KCTD17: variants seen among roughly 807,000 people sequenced by gnomAD.
KCTD17 encodes the protein potassium channel tetramerization domain containing 17, also known as BTB/POZ domain-containing protein KCTD17.
In KCTD17, 20 loss-of-function variants were observed where a neutral mutation model predicts 41.5. That is an observed-to-expected ratio of 0.48 (90% CI 0.34 to 0.70). KCTD17 has a LOEUF of 0.70. Ranked by LOEUF, KCTD17 falls within the 30% of genes least tolerant of loss-of-function variation. The pLI is 0.01. For synonymous variants in KCTD17, 156 were observed against 173.8 expected (o/e 0.90, Z 0.80); for missense variants, 317 against 427.2 (o/e 0.74, Z 2.27).
intron 4 of KCTD17, 30 bp downstream of exon 4, chr22:37,057,523 G>A (rs759017155): frequency 1.3e-6 from 2 of 1,577,500 alleles, no homozygotes; most frequent in Non-Finnish European, 8.6e-7. Context: ...GTGCCACCAG[G>A]ACAACCCTGG....
rs1925716631 is a variant in KCTD17 at position 37,061,028 on chromosome 22, G to T, written c.713-76G>T. On this transcript the variant is annotated intron_variant, in intron 6 of 8. Coordinates refer to ENST00000403888, the MANE Select transcript of KCTD17 (RefSeq NM_001282684.2). The surrounding 1 kb of genome is among the most constrained non-coding windows in gnomAD (Gnocchi z 6.6). ...CCGGGGGCCCCGGGGCTGCTGGGGGGGCACCAGGGTTAGCTCAGCCACTTG... is the reference window on the plus strand; with the variant it reads ...CCGGGGGCCCCGGGGCTGCTGGGGGTGCACCAGGGTTAGCTCAGCCACTTG... 6.5e-7 allele frequency: 1 copy of T among 1,549,280 alleles called. No homozygotes were observed. The highest frequency in any genetic ancestry group is 8.7e-7 in the Non-Finnish European group (1 of 1,145,320).
intron 4 of KCTD17, among the ~76,000 whole-genome samples, chr22:37,058,426 T>C (rs1925387978): frequency 6.6e-6 from 1 of 152,228 alleles, no homozygotes; most frequent in African/African-American, 2.4e-5. Flanking sequence ...GTAGGACTCT[T>C]GTGAGATTAG....
At chr22:37,054,505 G>A (rs375397105) in intron 2 of KCTD17, among the ~76,000 whole-genome samples, 7 of 150,766 alleles carry the variant, frequency 4.6e-5, no homozygotes, top group African/African-American at 1.5e-4. Flanking sequence ...AGGGGATCAC[G>A]CAGGGCTATC....
intron 5 of KCTD17, among the ~76,000 whole-genome samples, chr22:37,060,070 T>A (rs2145990393): frequency 6.6e-6 from 1 of 152,296 alleles, no homozygotes; most frequent in Non-Finnish European, 1.5e-5. Flanking sequence ...CCTGGCAGCA[T>A]CCACTGTACC....
chr22:37,060,855 G>T lies in KCTD17; in HGVS notation c.645G>T (p.Gln215His), dbSNP rs1925694068. Reference sequence around the variant, plus strand: ...AGGAGCAGCTGGAGGAGCAGCAGCAGCAGGAGGAGGAGGTGGAGGAGGTGG... The same window carrying T: ...AGGAGCAGCTGGAGGAGCAGCAGCATCAGGAGGAGGAGGTGGAGGAGGTGG... ...STEEQLEEQQQQEEEVEEVEV... is the reference protein window; with the variant it reads ...STEEQLEEQQHQEEEVEEVEV... Residue 215 changes from glutamine (Q) to histidine (H), a missense_variant, in exon 6 of 9, where the codon CAG becomes CAT. Gln to His is a conservative substitution (Grantham distance 24, BLOSUM62 0). Transcript: ENST00000403888. The T allele has an allele frequency of 1.3e-6, 2 of 1,528,620 alleles. No homozygotes were observed. The highest frequency in any genetic ancestry group is 1.8e-6 in the Non-Finnish European group (2 of 1,136,470). The allele number at this position is 1,528,620 out of a possible 1,614,324, so 94.7% of individuals were successfully genotyped here.
rs1210376119 is a variant in KCTD17 at position 37,062,728 on chromosome 22, G to A, written c.*134G>A. The A allele has an allele frequency of 1.3e-6, 2 of 1,486,606 alleles. No individual in the cohort carries two copies. Among genetic ancestry groups the A allele is most frequent in the East Asian group, 2.5e-5 (1 of 40,472 alleles). The allele number at this position is 1,486,606 out of a possible 1,614,324, so 92.1% of individuals were successfully genotyped here. On this transcript the variant is annotated 3_prime_UTR_variant, in exon 9 of 9. Coordinates refer to ENST00000403888, the MANE Select transcript of KCTD17 (RefSeq NM_001282684.2). ...TCCAGGGGCGGGGCGGGGCCCCCCTGGGACCTCTTAAGGCCCAAGGTGGGC... is the reference window on the plus strand; with the variant it reads ...TCCAGGGGCGGGGCGGGGCCCCCCTAGGACCTCTTAAGGCCCAAGGTGGGC...
rs112587587 is a variant in KCTD17 at position 37,051,752 on chromosome 22, C to T, written c.-9C>T. 1 of 1,219,590 alleles carries T rather than the reference C, an allele frequency of 8.2e-7. No individual in the cohort carries two copies. The allele number at this position is 1,219,590 out of a possible 1,614,324, so 75.5% of individuals were successfully genotyped here. On this transcript the variant is annotated 5_prime_UTR_variant, in exon 1 of 9. Coordinates refer to ENST00000403888, the MANE Select transcript of KCTD17 (RefSeq NM_001282684.2). ...GCCCGGGAGGAGGATGCAGACGCCG[C>T]GGCCGGCGATGAGGATGGAGGCCGG... is the stretch of plus-strand genomic sequence containing the variant.
At chr22:37,059,533 A>C (rs1601496023) in intron 5 of KCTD17, 95 bp downstream of exon 5, 5 of 1,386,810 alleles carry the variant, frequency 3.6e-6, no homozygotes, top group East Asian at 2.4e-5. Flanking sequence ...CCATCCCTCC[A>C]CCTCTCTCCC....
chr22:37,062,309 T>C (rs1392444436), intron 8 of KCTD17: 4 of 984,700 alleles, frequency 4.1e-6, no homozygotes, highest in Admixed American at 6.2e-5. Context: ...GGGGAGCCCT[T>C]GCTGCTCCCC....
chr22:37,061,040 A>G lies in KCTD17; in HGVS notation c.713-64A>G. The G allele has an allele frequency of 6.4e-7, 1 of 1,551,002 alleles. No homozygotes were observed. The highest frequency in any genetic ancestry group is 8.7e-7 in the Non-Finnish European group (1 of 1,146,604). Reference sequence around the variant, plus strand: ...GGGCTGCTGGGGGGGCACCAGGGTTAGCTCAGCCACTTGCCTGGCGCCTCA... The same window carrying G: ...GGGCTGCTGGGGGGGCACCAGGGTTGGCTCAGCCACTTGCCTGGCGCCTCA... On this transcript the variant is annotated intron_variant, in intron 6 of 8. Coordinates refer to ENST00000403888, the MANE Select transcript of KCTD17 (RefSeq NM_001282684.2). The surrounding 1 kb of genome is among the most constrained non-coding windows in gnomAD (Gnocchi z 6.6).
chr22:37,054,838 G>A (rs1439488654), intron 2 of KCTD17, among the ~76,000 whole-genome samples: 3 of 152,186 alleles, frequency 2.0e-5, no homozygotes, highest in African/African-American at 4.8e-5. Flanking sequence ...CCTGCTCTGT[G>A]TTTGGTCCTG....
Position 37,051,756 on chromosome 22 carries a change from C to G in KCTD17, c.-5C>G. 4 of 1,221,510 alleles carry G rather than the reference C, an allele frequency of 3.3e-6. No homozygotes were observed. The highest frequency in any genetic ancestry group is 7.9e-5 in the South Asian group (2 of 25,438). The allele number at this position is 1,221,510 out of a possible 1,614,324, so 75.7% of individuals were successfully genotyped here. A position where few individuals can be genotyped will look rare whatever the true frequency, so the allele number is the denominator to read the frequency against. On this transcript the variant is annotated 5_prime_UTR_variant, in exon 1 of 9. Coordinates refer to ENST00000403888, the MANE Select transcript of KCTD17 (RefSeq NM_001282684.2). ...GGGAGGAGGATGCAGACGCCGCGGCCGGCGATGAGGATGGAGGCCGGGGAG... is the reference window on the plus strand; with the variant it reads ...GGGAGGAGGATGCAGACGCCGCGGCGGGCGATGAGGATGGAGGCCGGGGAG...
intron 1 of KCTD17, chr22:37,052,523 G>A (rs1366240073): frequency 8.6e-6 from 4 of 467,818 alleles, no homozygotes; most frequent in Non-Finnish European, 1.8e-5. Flanking sequence ...TCTGTAACAC[G>A]AAGGGCTGGT....
At chr22:37,052,515 TGTAACACGAA>T in intron 1 of KCTD17, 3 of 467,064 alleles carry the variant, frequency 6.4e-6, no homozygotes, top group South Asian at 4.6e-5. Flanking sequence ...CTTCCTCATC[TGTAACACGAA>T]GGGCTGGTCT....
intron 3 of KCTD17, 75 bp downstream of exon 3, chr22:37,056,486 A>T: frequency 7.9e-7 from 1 of 1,270,036 alleles, no homozygotes; most frequent in South Asian, 1.3e-5. Flanking sequence ...CGGGGCGGGA[A>T]GCAGAGGAGG....
rs186753872 is a variant in KCTD17, at chr22:37,059,072, G to A, written c.487-241G>A. Among the ~76,000 whole-genome samples, 992 of 152,272 alleles carry A rather than the reference G, an allele frequency of 6.5e-3. 17 individuals are homozygous for A. Among genetic ancestry groups the A allele is most frequent in the African/African-American group, 0.023 (944 of 41,538 alleles). ...ATGCTGCCACCCTCCACCAGGGATC[G>A]GGCCAGCCAAGCCAGGCGGAGGGGC... On this transcript the variant is annotated intron_variant, in intron 4 of 8. Coordinates refer to ENST00000403888, the MANE Select transcript of KCTD17 (RefSeq NM_001282684.2).
Position 37,061,037 on chromosome 22 carries a change from G to A in KCTD17, c.713-67G>A. 2 of 1,550,978 alleles carry A rather than the reference G, an allele frequency of 1.3e-6. No homozygotes were observed. The highest frequency in any genetic ancestry group is 2.0e-5 in the Admixed American group (1 of 50,964). ...CCGGGGCTGCTGGGGGGGCACCAGG[G>A]TTAGCTCAGCCACTTGCCTGGCGCC... is the stretch of plus-strand genomic sequence containing the variant. On this transcript the variant is annotated intron_variant, in intron 6 of 8. Coordinates refer to ENST00000403888, the MANE Select transcript of KCTD17 (RefSeq NM_001282684.2). This position sits in a 1 kb window ranked among gnomAD's most constrained non-coding sequence, Gnocchi z 6.6.
At position 37,062,903 on chromosome 22, in the gene KCTD17, C is replaced by T; in HGVS notation, c.*309C>T. The T allele has an allele frequency of 2.3e-6, 1 of 434,684 alleles. No homozygotes were observed. Among genetic ancestry groups the T allele is most frequent in the South Asian group, 3.1e-5 (1 of 32,364 alleles). The allele number at this position is 434,684 out of a possible 1,614,324, so 26.9% of individuals were successfully genotyped here. On this transcript the variant is annotated 3_prime_UTR_variant, in exon 9 of 9. Transcript: ENST00000403888. ...GGCCCGGTCACATTGCCTCCTTGAG[C>T]CTTAGTCCAGGGGGTCACTCCTCCC...
Position 37,062,994 on chromosome 22 carries a change from G to A in KCTD17, c.*400G>A, listed in dbSNP as rs1165901012. Reference sequence around the variant, plus strand: ...GGAGCAAAGTCCCTGAAGGCCCTCAGGCAGTATATAGGGGCCGCCCACCTT... The same window carrying A: ...GGAGCAAAGTCCCTGAAGGCCCTCAAGCAGTATATAGGGGCCGCCCACCTT... On this transcript the variant is annotated 3_prime_UTR_variant, in exon 9 of 9. Transcript: ENST00000403888. The A allele has an allele frequency of 4.5e-6, 1 of 220,990 alleles. No individual in the cohort carries two copies. The highest frequency in any genetic ancestry group is 1.2e-4 in the East Asian group (1 of 8,506). The allele number at this position is 220,990 out of a possible 1,614,324, so 13.7% of individuals were successfully genotyped here.
Sources: allele counts gnomAD v4.1 joint callset (sites outside exome capture counted in the v4.1 genomes callset), GRCh38; gene constraint gnomAD v4.1.1; non-coding constraint Gnocchi (gnomAD v3.1); transcripts MANE v1.5; gene names NCBI Gene and HGNC (gene_info 2026-07-23, HGNC 2026-07-21).